The following CHD2 variants were observed in gnomAD, a reference collection of about 807,000 sequenced individuals.
CHD2 encodes chromodomain helicase DNA binding protein 2, also known as ATP-dependent chromatin remodeler CHD2.
CHD2 carries 28 observed loss-of-function variants against 243.9 expected under a neutral mutation model. That is an observed-to-expected ratio of 0.11 (90% CI 0.09 to 0.16). CHD2 has a LOEUF of 0.16. Among genes scored for constraint, CHD2 ranks in the 10% least tolerant of loss-of-function variants. The pLI, the probability that CHD2 is intolerant of heterozygous loss-of-function variation, is 1.00. For synonymous variants in CHD2, 775 were observed against 779.0 expected (o/e 0.99, Z 0.09); for missense variants, 1,386 against 2,209.8 (o/e 0.63, Z 7.47).
chr15:92,915,223 C>T (rs2052811607), intron 2 of CHD2, among the ~76,000 whole-genome samples: 2 of 152,058 alleles, frequency 1.3e-5, no homozygotes, highest in Non-Finnish European at 2.9e-5. Context: ...GTGTTAGAAA[C>T]AGACCTCTTT....
Position 92,946,280 on chromosome 15 carries a change from CAT to C in CHD2, c.1377+67_1377+68del, listed in dbSNP as rs888859316. On this transcript the variant is annotated intron_variant, in intron 12 of 38. Coordinates refer to ENST00000394196, the MANE Select transcript of CHD2 (RefSeq NM_001271.4). The stretch of plus-strand genomic sequence containing the variant: ...ATATACTGATAAAGAGGATTGGACA[CAT>C]ATGTGCTGAGAAAATATTACAAAAT... The C allele has an allele frequency of 1.2e-4, 155 of 1,254,974 alleles. No homozygotes were observed. The African/African-American group carries it at 2.2e-3, about 18-fold the overall frequency. The allele number at this position is 1,254,974 out of a possible 1,614,324, so 77.7% of individuals were successfully genotyped here.
Position 93,004,716 on chromosome 15 carries a change from G to A in CHD2, c.4378G>A (p.Glu1460Lys). ...GSEPVPIGED[E>K]DDDLDQETFS... ...TGAACCTGTCCCCATTGGAGAGGAT[G>A]AGGATGATGATCTGGACCAGGAGAC... The change falls in exon 34 of 39, where the codon GAG becomes AAG. Residue 1460 changes from glutamate (E) to lysine (K), a missense_variant. Coordinates refer to ENST00000394196, the MANE Select transcript of CHD2 (RefSeq NM_001271.4). 1 of 1,613,686 alleles carries A rather than the reference G, an allele frequency of 6.2e-7. No individual in the cohort carries two copies. The highest frequency in any genetic ancestry group is 8.5e-7 in the Non-Finnish European group (1 of 1,179,736).
chr15:92,954,304 C>G (rs557353026), intron 14 of CHD2: 1 of 152,218 alleles, frequency 6.6e-6, no homozygotes, highest in Non-Finnish European at 1.5e-5. Context: ...CCCTAGCGAG[C>G]AAGAATGTGG....
At position 93,024,984 on chromosome 15, in the gene CHD2, G is replaced by T. The variant is rs2054574971; in HGVS notation, c.*279G>T. On this transcript the variant is annotated 3_prime_UTR_variant, in exon 39 of 39. Transcript: ENST00000394196. ...CTTGGAGGAGGAGCTGACTGTGTGT[G>T]TACCAGCTTCACTGGGATGTGTTTC... 2.5e-6 allele frequency: 1 copy of T among 396,792 alleles called. No homozygotes were observed. 24.6% of individuals were successfully genotyped at this position (396,792 alleles called of 1,614,324 possible). A position where few individuals can be genotyped will look rare whatever the true frequency, so the allele number is the denominator to read the frequency against.
chr15:92,913,372 C>G (rs1174567029), intron 2 of CHD2, among the ~76,000 whole-genome samples: 1 of 152,164 alleles, frequency 6.6e-6, no homozygotes, highest in Admixed American at 6.5e-5. Flanking sequence ...AATGATACTT[C>G]TAGGCAGTGG....
chr15:92,959,659 T>C (rs2053659985), intron 16 of CHD2, among the ~76,000 whole-genome samples: 1 of 152,082 alleles, frequency 6.6e-6, no homozygotes, highest in Non-Finnish European at 1.5e-5. Flanking sequence ...GCTCAACTAA[T>C]TTTTTGTATT....
At chr15:92,902,284 T>C (rs1005250625) in intron 2 of CHD2, 2 of 397,388 alleles carry the variant, frequency 5.0e-6, no homozygotes, top group African/African-American at 4.1e-5. Flanking sequence ...TAATAAAGCC[T>C]CTAAGATGTT....
intron 34 of CHD2, among the ~76,000 whole-genome samples, chr15:93,007,055 A>G (rs1412660289): frequency 6.6e-6 from 1 of 152,230 alleles, no homozygotes; most frequent in African/African-American, 2.4e-5. Context: ...TCTAGGGTGT[A>G]TGGCTTGAGC....
chr15:92,903,618 C>CT (rs1434833105), intron 2 of CHD2, among the ~76,000 whole-genome samples: 2 of 152,128 alleles, frequency 1.3e-5, no homozygotes, highest in African/African-American at 4.8e-5. Context: ...TGTAAAATTT[C>CT]TAAGTATTTA....
intron 24 of CHD2, among the ~76,000 whole-genome samples, chr15:92,983,186 A>G (rs553648104): frequency 6.6e-6 from 1 of 152,284 alleles, no homozygotes; most frequent in African/African-American, 2.4e-5. Context: ...TGGGAAGAAC[A>G]TAAACATTCA....
chr15:92,930,524 C>T (rs991913962), intron 5 of CHD2, among the ~76,000 whole-genome samples: 3 of 152,040 alleles, frequency 2.0e-5, no homozygotes, highest in African/African-American at 4.8e-5. Context: ...CCTTGGCTTG[C>T]TGGACTTAAT....
At chr15:92,933,800 C>G (rs953517884) in intron 5 of CHD2, among the ~76,000 whole-genome samples, 2 of 152,112 alleles carry the variant, frequency 1.3e-5, no homozygotes, top group Admixed American at 6.5e-5. Context: ...AAGGCTGGGT[C>G]TCACTCTGAT....
Position 92,998,471 on chromosome 15 carries a change from G to A in CHD2, c.3886-28G>A, listed in dbSNP as rs767029439. ...CACTAACCAGGATGTGGGTGGTGGC[G>A]GGTGCTTCTCTTCCTTTCTTGTTGA... On this transcript the variant is annotated intron_variant, in intron 30 of 38. Transcript: ENST00000394196. The surrounding 1 kb of genome is among the most constrained non-coding windows in gnomAD (Gnocchi z 5.1). 6.2e-7 allele frequency: 1 copy of A among 1,612,890 alleles called. No homozygotes were observed. The highest frequency in any genetic ancestry group is 2.2e-5 in the East Asian group (1 of 44,846).
intron 3 of CHD2, among the ~76,000 whole-genome samples, chr15:92,926,431 C>T (rs1285653424): frequency 2.0e-5 from 3 of 152,202 alleles, no homozygotes. Context: ...TACACCTTTT[C>T]ATGTCAGTGT....
intron 3 of CHD2, among the ~76,000 whole-genome samples, chr15:92,926,871 G>A (rs111516203): frequency 2.0e-3 from 304 of 152,310 alleles, no homozygotes; most frequent in Middle Eastern, 6.8e-3. Flanking sequence ...TTTCACAGGT[G>A]TGGGTTAGTG....
chr15:93,009,044 G>T (rs961658469), intron 34 of CHD2, 101 bp from the exon 35 acceptor site: 1 of 1,287,836 alleles, frequency 7.8e-7, no homozygotes, highest in South Asian at 1.4e-5. Context: ...CAATTATATG[G>T]CATAGGGGTG....
At chr15:92,996,704 C>T (rs1390541459) in intron 28 of CHD2, among the ~76,000 whole-genome samples, 2 of 151,872 alleles carry the variant, frequency 1.3e-5, no homozygotes, top group African/African-American at 4.8e-5. Context: ...ATAAAACAAG[C>T]AGGAAGATTA....
At chr15:92,905,107 A>G in intron 2 of CHD2, 1 of 1,035,568 alleles carries the variant, frequency 9.7e-7, no homozygotes, top group Non-Finnish European at 1.4e-6. Flanking sequence ...AAGTGGCAGA[A>G]TACAGCGTTA....
chr15:92,922,359 G>C (rs1003441730), intron 2 of CHD2, among the ~76,000 whole-genome samples: 3 of 152,148 alleles, frequency 2.0e-5, no homozygotes, highest in Non-Finnish European at 4.4e-5. Context: ...CCTAGTGTCT[G>C]ATACCTGTTA....
Sources: gnomAD v4.1 joint callset for allele counts (sites outside exome capture counted in the v4.1 genomes callset) on GRCh38, gnomAD v4.1.1 for gene constraint, Gnocchi (gnomAD v3.1) non-coding constraint, MANE v1.5 for transcripts, NCBI Gene and HGNC (gene_info 2026-07-23, HGNC 2026-07-21) for gene names.